TMEM38B: variants seen among roughly 807,000 people sequenced by gnomAD.
TMEM38B encodes the protein trimeric intracellular cation channel type B.
In TMEM38B, 24 loss-of-function variants were observed where a neutral mutation model predicts 28.7. The ratio of observed to expected loss-of-function variants is 0.84; its 90% CI spans 0.61 to 1.18. The LOEUF is 1.18. Ranked by LOEUF, TMEM38B falls within the 50% of genes most tolerant of loss-of-function variation. The pLI is 0.00. For synonymous variants in TMEM38B, 131 were observed against 127.7 expected (o/e 1.03, Z -0.17); for missense variants, 380 against 350.9 (o/e 1.08, Z -0.66).
chr9:105,748,028 T>A, intron 4 of TMEM38B, 45 bp from the exon 5 acceptor site: 1 of 1,282,368 alleles, frequency 7.8e-7, no homozygotes, highest in South Asian at 1.2e-5. Flanking sequence ...GTTAGAGATA[T>A]GTCATATTTA....
In TMEM38B at chr9:105,730,686, A is replaced by G. The variant is rs1448487865; in HGVS notation, c.542+8065A>G. On this transcript the variant is annotated intron_variant, in intron 4 of 5. Coordinates refer to ENST00000374692, the MANE Select transcript of TMEM38B (RefSeq NM_018112.3). ...TCCTGTAGAATTTGGCTGTGAATCC[A>G]TCTGGTCCTGGACTTTTTTTGGTTG... Among the ~76,000 whole-genome samples the G allele has an allele frequency of 2.6e-5, 4 of 152,178 alleles. No homozygotes were observed. In the East Asian group the frequency reaches 7.7e-4, roughly 29 times the overall value.
intron 2 of TMEM38B, among the ~76,000 whole-genome samples, chr9:105,707,993 T>C (rs764353633): frequency 2.0e-5 from 3 of 152,112 alleles, no homozygotes; most frequent in Non-Finnish European, 2.9e-5. Context: ...AAGGAAGATA[T>C]CCAGAATTTG....
chr9:105,772,566 G>T (rs1826587828), intron 5 of TMEM38B, among the ~76,000 whole-genome samples: 1 of 152,004 alleles, frequency 6.6e-6, no homozygotes, highest in East Asian at 1.9e-4. Context: ...GTTACTTTAT[G>T]TACTTCTGTC....
At chr9:105,766,683 T>G (rs1417445994) in intron 5 of TMEM38B, among the ~76,000 whole-genome samples, 1 of 152,110 alleles carries the variant, frequency 6.6e-6, no homozygotes, top group Non-Finnish European at 1.5e-5. Flanking sequence ...TTCCTCAAGG[T>G]TTTGAAGAGT....
At chr9:105,761,663 A>G (rs1441339422) in intron 5 of TMEM38B, among the ~76,000 whole-genome samples, 2 of 152,206 alleles carry the variant, frequency 1.3e-5, no homozygotes, top group Non-Finnish European at 2.9e-5. Flanking sequence ...TGATGATGGA[A>G]CAGGTCTCTA....
intron 1 of TMEM38B, chr9:105,700,884 T>A (rs1835441553): frequency 1.3e-5 from 2 of 151,808 alleles, no homozygotes; most frequent in Admixed American, 1.3e-4. Context: ...CAGATAAAAA[T>A]AGAACATTTA....
chr9:105,727,629 T>A (rs917227313), intron 4 of TMEM38B, among the ~76,000 whole-genome samples: 1 of 152,194 alleles, frequency 6.6e-6, no homozygotes, highest in African/African-American at 2.4e-5. Context: ...TTAGAAGATT[T>A]AGAATTTCAG....
chr9:105,739,584 G>T (rs1413873782), intron 4 of TMEM38B, among the ~76,000 whole-genome samples: 1 of 152,038 alleles, frequency 6.6e-6, no homozygotes, highest in Non-Finnish European at 1.5e-5. Flanking sequence ...GAGTGCAGTG[G>T]CGTGATTTCA....
At chr9:105,708,985 G>A (rs567268644) in intron 2 of TMEM38B, among the ~76,000 whole-genome samples, 78 of 146,722 alleles carry the variant, frequency 5.3e-4, no homozygotes, top group Non-Finnish European at 9.2e-4. Flanking sequence ...TGTTTCCCAC[G>A]TTGGCTATTT....
intron 5 of TMEM38B, among the ~76,000 whole-genome samples, chr9:105,752,032 A>G (rs1837672957): frequency 6.6e-6 from 1 of 152,170 alleles, no homozygotes; most frequent in South Asian, 2.1e-4. Flanking sequence ...CAGATGAGAA[A>G]GAGTTTCCCC....
chr9:105,733,181 G>A (rs1466125687), intron 4 of TMEM38B, among the ~76,000 whole-genome samples: 5 of 152,220 alleles, frequency 3.3e-5, no homozygotes, highest in African/African-American at 9.6e-5. Context: ...GAATAAGTGC[G>A]ATGTGGTGCT....
At chr9:105,731,328 T>C (rs1836738070) in intron 4 of TMEM38B, among the ~76,000 whole-genome samples, 1 of 151,648 alleles carries the variant, frequency 6.6e-6, no homozygotes, top group Admixed American at 6.6e-5. Context: ...TATTATACTT[T>C]AAGTTCTAGG....
chr9:105,742,591 A>C (rs888449952), intron 4 of TMEM38B, among the ~76,000 whole-genome samples: 3 of 152,216 alleles, frequency 2.0e-5, no homozygotes, highest in Non-Finnish European at 4.4e-5. Context: ...AAACAAATCC[A>C]TACTCCAATT....
chr9:105,742,912 ATTTGGGAATGTTGTAAAACTTTTT>A (rs756476093), intron 4 of TMEM38B, among the ~76,000 whole-genome samples: 4 of 152,194 alleles, frequency 2.6e-5, no homozygotes, highest in Non-Finnish European at 1.5e-5. Flanking sequence ...GATAACCATA[ATTTGGGAATGTTGTAAAACTTTTT>A]TTTTAACCAA....
chr9:105,749,045 CTG>C (rs776037900), intron 5 of TMEM38B: 33 of 1,296,414 alleles, frequency 2.5e-5, no homozygotes. Flanking sequence ...AATGAAGTCA[CTG>C]TGTGAATCAT....
At chr9:105,746,572 T>C (rs186355110) in intron 4 of TMEM38B, among the ~76,000 whole-genome samples, 3 of 152,230 alleles carry the variant, frequency 2.0e-5, no homozygotes, top group Admixed American at 6.5e-5. Flanking sequence ...TCTTTATTTC[T>C]TTCTCCTGCC....
intron 5 of TMEM38B, among the ~76,000 whole-genome samples, chr9:105,762,674 T>A (rs1401124559): frequency 1.5e-5 from 2 of 130,058 alleles, no homozygotes; most frequent in Admixed American, 7.9e-5. Flanking sequence ...ACATTTGGGT[T>A]GGTTCCAAGT....
At chr9:105,716,374 T>TTGTGTGTGTGTGTGTGTGTGTG (rs139155061) in intron 2 of TMEM38B, among the ~76,000 whole-genome samples, 144 of 150,742 alleles carry the variant, frequency 9.6e-4, no homozygotes, top group African/African-American at 3.3e-3. Context: ...GTTGTAGCAT[T>TTGTGTGTGTGTGTGTGTGTGTG]TGTGTGTGTG....
intron 5 of TMEM38B, chr9:105,759,998 A>G (rs1351051655): frequency 2.0e-6 from 3 of 1,485,218 alleles, no homozygotes; most frequent in African/African-American, 2.8e-5. Flanking sequence ...GCTGCAATCA[A>G]TAAAAGACTC....
Sources: allele counts gnomAD v4.1 joint callset (sites outside exome capture counted in the v4.1 genomes callset), GRCh38; gene constraint gnomAD v4.1.1; transcripts MANE v1.5; gene names NCBI Gene and HGNC (gene_info 2026-07-23, HGNC 2026-07-21).